The following HBS1L variants were observed in gnomAD, a reference collection of about 807,000 sequenced individuals.
HBS1L encodes HBS1 like translational GTPase, also known as HBS1-like protein.
HBS1L carries 55 observed loss-of-function variants against 88.9 expected under a neutral mutation model. The observed-to-expected ratio is 0.62, with a 90% CI of 0.50 to 0.77. The LOEUF (loss-of-function observed/expected upper bound fraction) is 0.77. HBS1L is among the 30% of genes least tolerant of loss of function. HBS1L has a pLI of 0.00. For missense variants in HBS1L, 741 were observed against 829.3 expected, an observed-to-expected ratio of 0.89 and a Z score of 1.31; for synonymous variants, 267 against 288.5, an observed-to-expected ratio of 0.93 and a Z score of 0.76.
At chr6:135,045,600 T>A (rs747051363) in intron 2 of HBS1L, among the ~76,000 whole-genome samples, 26 of 151,980 alleles carry the variant, frequency 1.7e-4, no homozygotes, top group Admixed American at 9.2e-4. Flanking sequence ...CTTTGGGAGG[T>A]CCAGGCAGGT....
chr6:134,995,773 A>C (rs1291458602), intron 7 of HBS1L, among the ~76,000 whole-genome samples: 1 of 152,024 alleles, frequency 6.6e-6, no homozygotes, highest in Non-Finnish European at 1.5e-5. Context: ...CTGTCCAGCT[A>C]ATTTTTCTTA....
intron 2 of HBS1L, among the ~76,000 whole-genome samples, chr6:135,049,810 G>C (rs1042556997): frequency 3.3e-5 from 5 of 152,196 alleles, no homozygotes; most frequent in African/African-American, 9.7e-5. Flanking sequence ...GACCTCAGGT[G>C]ATCCACCTGC....
At chr6:134,981,183 T>C (rs764305579) in intron 13 of HBS1L, among the ~76,000 whole-genome samples, 4 of 151,876 alleles carry the variant, frequency 2.6e-5, no homozygotes, top group Non-Finnish European at 4.4e-5. Context: ...CTCTTAATCA[T>C]AAAAAAATTC....
At position 134,965,106 on chromosome 6, in the gene HBS1L, T is replaced by C; in HGVS notation, c.*173A>G. On this transcript the variant is annotated 3_prime_UTR_variant, in exon 18 of 18. Coordinates refer to ENST00000367837, the MANE Select transcript of HBS1L (RefSeq NM_006620.4). Reference sequence around the variant, plus strand: ...TTCTTTGCCAGTTGGCAACTTAGAATTTTTGCAGAGGTGATTATTAATACT... The same window carrying C: ...TTCTTTGCCAGTTGGCAACTTAGAACTTTTGCAGAGGTGATTATTAATACT... 1 of 624,082 alleles carries C rather than the reference T, an allele frequency of 1.6e-6. No individual in the cohort carries two copies. Among genetic ancestry groups the C allele is most frequent in the Non-Finnish European group, 2.8e-6 (1 of 357,054 alleles). 38.7% of individuals were successfully genotyped at this position (624,082 alleles called of 1,614,324 possible).
chr6:134,980,692 T>G (rs539058448), intron 13 of HBS1L, among the ~76,000 whole-genome samples: 1 of 151,846 alleles, frequency 6.6e-6, no homozygotes, highest in Non-Finnish European at 1.5e-5. Flanking sequence ...ACTTTTCTCA[T>G]TGGACAAACA....
chr6:135,028,450 A>G (rs1462783114), intron 4 of HBS1L, among the ~76,000 whole-genome samples: 1 of 151,978 alleles, frequency 6.6e-6, no homozygotes, highest in Non-Finnish European at 1.5e-5. Context: ...TAAGAAAATT[A>G]AAACTTTCAA....
chr6:135,023,720 C>T (rs539798257), intron 4 of HBS1L, among the ~76,000 whole-genome samples: 54 of 152,200 alleles, frequency 3.5e-4, no homozygotes, highest in African/African-American at 1.3e-3. Context: ...AGGTAGACCA[C>T]TATTACAAAG....
rs149582664 is a variant in HBS1L at position 135,049,025 on chromosome 6, G to A, written c.109+1557C>T. On this transcript the variant is annotated intron_variant, in intron 2 of 17. Transcript: ENST00000367837. Reference sequence around the variant, plus strand: ...TTTGGTCTGCAGAGGCTAAAAATAGGATGAAAGCAGGTACAGTTTATAAGA... The same window carrying A: ...TTTGGTCTGCAGAGGCTAAAAATAGAATGAAAGCAGGTACAGTTTATAAGA... Among the ~76,000 whole-genome samples, 487 of 152,096 alleles carry A rather than the reference G, an allele frequency of 3.2e-3. 7 individuals carry two copies. The highest frequency in any genetic ancestry group is 9.8e-3 in the South Asian group (47 of 4,818).
intron 17 of HBS1L, among the ~76,000 whole-genome samples, chr6:134,965,828 GC>G (rs1774297834): frequency 6.6e-6 from 1 of 152,088 alleles, no homozygotes; most frequent in South Asian, 2.1e-4. Context: ...GTTTCTTGGT[GC>G]TTTAGCAACT....
At chr6:135,019,541 A>G (rs1776013649) in intron 4 of HBS1L, among the ~76,000 whole-genome samples, 1 of 151,860 alleles carries the variant, frequency 6.6e-6, no homozygotes, top group African/African-American at 2.4e-5. Flanking sequence ...TTTAGTGACA[A>G]TAGAATACAC....
intron 5 of HBS1L, among the ~76,000 whole-genome samples, chr6:134,997,873 C>T (rs1775337324): frequency 6.6e-6 from 1 of 151,952 alleles, no homozygotes; most frequent in South Asian, 2.1e-4. Context: ...AAAAACTGTA[C>T]CAAAAATGAA....
chr6:135,002,965 C>T (rs1247698808), intron 4 of HBS1L, 123 bp from the exon 5 acceptor site: 2 of 567,538 alleles, frequency 3.5e-6, no homozygotes, highest in Admixed American at 3.1e-5. Context: ...TTTATAAACA[C>T]ATTATCTCTA....
rs1392086243 is a variant in HBS1L at position 134,960,784 on chromosome 6, T to C, written c.*4495A>G. ...TAGACTGAGGTTAATAATATCTGCC[T>C]CATATAATTATAGATATGTCATGTT... On this transcript the variant is annotated 3_prime_UTR_variant, in exon 18 of 18. Coordinates refer to ENST00000367837, the MANE Select transcript of HBS1L (RefSeq NM_006620.4). 3 of 152,158 alleles carry C rather than the reference T, an allele frequency of 2.0e-5. No homozygotes were observed. The allele number at this position is 152,158 out of a possible 1,614,324, so 9.4% of individuals were successfully genotyped here.
In HBS1L at chr6:134,965,015, T is replaced by C; in HGVS notation, c.*264A>G. The C allele has an allele frequency of 2.0e-6, 1 of 502,834 alleles. No individual in the cohort carries two copies. The highest frequency in any genetic ancestry group is 3.5e-6 in the Non-Finnish European group (1 of 283,296). 31.1% of individuals were successfully genotyped at this position (502,834 alleles called of 1,614,324 possible). ...CAGATACTATTTTTGACACTTGCCA[T>C]AAATCTTAGCAAAGTAAATCCATTT... On this transcript the variant is annotated 3_prime_UTR_variant, in exon 18 of 18. Transcript: ENST00000367837.
Position 134,965,219 on chromosome 6 carries a change from T to C in HBS1L, c.*60A>G. On this transcript the variant is annotated 3_prime_UTR_variant, in exon 18 of 18. Coordinates refer to ENST00000367837, the MANE Select transcript of HBS1L (RefSeq NM_006620.4). ...TGTTCCTTTGACTTAATAACTGCAT[T>C]CTTGAAACAGAGGTTAGCTATTTCA... The C allele has an allele frequency of 7.3e-7, 1 of 1,363,422 alleles. No individual in the cohort carries two copies. Among genetic ancestry groups the C allele is most frequent in the South Asian group, 1.2e-5 (1 of 84,566 alleles). 84.5% of individuals were successfully genotyped at this position (1,363,422 alleles called of 1,614,324 possible). A position where few individuals can be genotyped will look rare whatever the true frequency, so the allele number is the denominator to read the frequency against.
chr6:135,048,703 C>T (rs993575437), intron 2 of HBS1L, among the ~76,000 whole-genome samples: 1 of 152,220 alleles, frequency 6.6e-6, no homozygotes, highest in African/African-American at 2.4e-5. Context: ...TATAATACCT[C>T]ATTAACAACT....
intron 2 of HBS1L, among the ~76,000 whole-genome samples, chr6:135,046,151 C>T (rs1044210514): frequency 3.9e-5 from 6 of 152,160 alleles, no homozygotes; most frequent in East Asian, 1.9e-4. Context: ...GCTTAAGCAA[C>T]GTTGTTTCCT....
At position 134,982,510 on chromosome 6, in the gene HBS1L, T is replaced by C. The variant is rs780386408; in HGVS notation, c.1545A>G (p.Gln515=). Residue 515 remains glutamine (Q), a synonymous_variant, in exon 13 of 18, where the codon CAA becomes CAG. Transcript: ENST00000367837. The part of the protein sequence containing the change: ...ITGKIEAGYI[Q]TGDRLLAMPP... ...GCATTGCCAGTAGTCGGTCACCAGT[T>C]TGGATATAACCAGCTTCTATTTTAC... is the stretch of plus-strand genomic sequence containing the variant. 6.2e-7 allele frequency: 1 copy of C among 1,611,874 alleles called. No homozygotes were observed. The highest frequency in any genetic ancestry group is 8.5e-7 in the Non-Finnish European group (1 of 1,178,578).
intron 4 of HBS1L, among the ~76,000 whole-genome samples, chr6:135,014,927 C>T (rs1301232147): frequency 1.3e-5 from 2 of 150,754 alleles, no homozygotes; most frequent in Non-Finnish European, 2.9e-5. Flanking sequence ...CCTAGGTACT[C>T]GGGAGGCTGA....
Sources: gnomAD v4.1 joint callset for allele counts (sites outside exome capture counted in the v4.1 genomes callset) on GRCh38, gnomAD v4.1.1 for gene constraint, MANE v1.5 for transcripts, NCBI Gene and HGNC (gene_info 2026-07-23, HGNC 2026-07-21) for gene names.